The following PCDH15 variants were observed in gnomAD, a reference collection of about 807,000 sequenced individuals.
PCDH15 encodes protocadherin related 15.
A neutral mutation model predicts 178.5 loss-of-function variants in PCDH15; 129 were observed. The observed-to-expected ratio is 0.72, with a 90% CI of 0.63 to 0.84. The LOEUF (loss-of-function observed/expected upper bound fraction) is 0.84. Ranked by LOEUF, PCDH15 falls within the 40% of genes least tolerant of loss-of-function variation. The pLI is 0.00. For missense variants in PCDH15, 2,230 were observed against 2,099.9 expected (o/e 1.06, Z -1.21); for synonymous variants, 800 against 732.0 (o/e 1.09, Z -1.50).
intron 18 of PCDH15, among the ~76,000 whole-genome samples, chr10:54,030,084 G>C (rs1156757510): frequency 1.2e-4 from 18 of 151,990 alleles, no homozygotes; most frequent in Admixed American, 1.2e-3. Context: ...TCAGCCCCAA[G>C]GAAATAACTT....
intron 1 of PCDH15, among the ~76,000 whole-genome samples, chr10:55,184,035 C>T (rs1175032487): frequency 6.6e-6 from 1 of 151,848 alleles, no homozygotes; most frequent in African/African-American, 2.4e-5. Flanking sequence ...CTGATGCTTT[C>T]CAGGAGCCGT....
At chr10:53,914,294 A>G (rs2083370557) in intron 25 of PCDH15, among the ~76,000 whole-genome samples, 2 of 152,184 alleles carry the variant, frequency 1.3e-5, no homozygotes, top group Non-Finnish European at 2.9e-5. Flanking sequence ...AAAGCATGCT[A>G]CTATAAAGAC....
intron 3 of PCDH15, among the ~76,000 whole-genome samples, chr10:54,407,378 A>G (rs1011904768): frequency 6.6e-6 from 1 of 152,114 alleles, no homozygotes; most frequent in South Asian, 2.1e-4. Context: ...TCAAATATCC[A>G]TAAATATAAT....
chr10:54,034,052 T>C (rs1359998124), intron 18 of PCDH15, among the ~76,000 whole-genome samples: 1 of 151,956 alleles, frequency 6.6e-6, no homozygotes, highest in Non-Finnish European at 1.5e-5. Context: ...CTGAAAAGAA[T>C]GTGACAGCCA....
At position 54,057,830 on chromosome 10, in the gene PCDH15, T is replaced by G. The variant is rs113698431; in HGVS notation, c.2220+8927A>C. Among the ~76,000 whole-genome samples, 717 of 152,308 alleles carry G rather than the reference T, an allele frequency of 4.7e-3. 6 individuals are homozygous for G. Among genetic ancestry groups the G allele is most frequent in the Middle Eastern group, 0.02 (6 of 294 alleles). On this transcript the variant is annotated intron_variant, in intron 18 of 37. Coordinates refer to ENST00000644397, the MANE Select transcript of PCDH15 (RefSeq NM_001384140.1). ...GTTTCCTCTTGAGCACTTTGCCACT[T>G]AGAAGTTTCTTCTGCTAGATATCCT...
Position 54,198,495 on chromosome 10 carries a change from CTTTTTT to C in PCDH15, c.1099-2612_1099-2607del, listed in dbSNP as rs1186240206. ...CATCTTTCTTTAATATCTAATTATTCTTTTTTTTTTTTTTTTTTTTTTTTGAGACAA... is the reference window on the plus strand; with the variant it reads ...CATCTTTCTTTAATATCTAATTATTCTTTTTTTTTTTTTTTTTTGAGACAA... On this transcript the variant is annotated intron_variant, in intron 10 of 37. Transcript: ENST00000644397. 1.8e-3 allele frequency among the ~76,000 whole-genome samples: 57 copies of C among 31,172 alleles called. 5 individuals carry two copies. In the South Asian group the frequency reaches 0.067, roughly 37 times the overall value. The allele number at this position is 31,172 out of a possible 152,430, so 20.5% of individuals were successfully genotyped here. A position where few individuals can be genotyped will look rare whatever the true frequency, so the allele number is the denominator to read the frequency against.
At chr10:54,221,760 G>A (rs1010360332) in intron 9 of PCDH15, among the ~76,000 whole-genome samples, 12 of 151,926 alleles carry the variant, frequency 7.9e-5, no homozygotes, top group African/African-American at 1.2e-4. Flanking sequence ...CCACCACCAC[G>A]CCCAGCTAAT....
chr10:54,114,015 T>C (rs1156334087), intron 15 of PCDH15, among the ~76,000 whole-genome samples: 3 of 152,082 alleles, frequency 2.0e-5, no homozygotes, highest in African/African-American at 7.2e-5. Flanking sequence ...GAGAATGGCA[T>C]AGGAAAATCT....
intron 2 of PCDH15, among the ~76,000 whole-genome samples, chr10:55,560,661 T>C (rs1325789325): frequency 6.6e-6 from 1 of 151,924 alleles, no homozygotes; most frequent in Non-Finnish European, 1.5e-5. Context: ...AAAAGAGTAA[T>C]GTCACCATGT....
At chr10:55,265,711 C>T (rs867977759) in intron 1 of PCDH15, among the ~76,000 whole-genome samples, 4 of 152,040 alleles carry the variant, frequency 2.6e-5, no homozygotes, top group South Asian at 2.1e-4. Flanking sequence ...TGCTGAAAAC[C>T]CCACTGCCTT....
At chr10:54,421,816 G>GTATATATATATATA (rs71185272) in intron 3 of PCDH15, among the ~76,000 whole-genome samples, 1 of 107,990 alleles carries the variant, frequency 9.3e-6, no homozygotes, top group African/African-American at 4.2e-5. Context: ...TGTAGTGTGT[G>GTATATATATATATA]TATATATATA....
At chr10:54,596,703 C>G (rs754288955) in intron 2 of PCDH15, among the ~76,000 whole-genome samples, 60 of 151,996 alleles carry the variant, frequency 3.9e-4, no homozygotes, top group African/African-American at 9.2e-4. Flanking sequence ...TGCAAGAGAC[C>G]CATCTGACAT....
intron 32 of PCDH15, chr10:53,823,478 A>G: frequency 1.1e-6 from 1 of 927,388 alleles, no homozygotes; most frequent in Non-Finnish European, 1.8e-6. Flanking sequence ...AGGCCAAACA[A>G]CACTAACCTA....
intron 14 of PCDH15, among the ~76,000 whole-genome samples, chr10:54,152,896 T>C (rs2044681533): frequency 6.6e-6 from 1 of 152,178 alleles, no homozygotes; most frequent in Non-Finnish European, 1.5e-5. Flanking sequence ...ATAATAAATT[T>C]GAAATATGCC....
intron 8 of PCDH15, among the ~76,000 whole-genome samples, chr10:54,274,769 T>C (rs536515840): frequency 2.4e-4 from 37 of 151,952 alleles, no homozygotes; most frequent in Non-Finnish European, 4.1e-4. Flanking sequence ...CTAATTCCTA[T>C]ACCTTTTCAA....
intron 36 of PCDH15, 119 bp from the exon 37 acceptor site, chr10:53,810,783 C>T (rs1564514680): frequency 4.4e-6 from 4 of 899,168 alleles, no homozygotes; most frequent in Non-Finnish European, 7.3e-6. Flanking sequence ...TTACACAGCA[C>T]CTATCAGGCT....
intron 3 of PCDH15, among the ~76,000 whole-genome samples, chr10:54,433,680 A>C (rs921152061): frequency 1.3e-5 from 2 of 152,170 alleles, no homozygotes; most frequent in African/African-American, 4.8e-5. Context: ...TAAATTTAAA[A>C]ATAACTAAAA....
At chr10:55,230,005 T>A (rs1226786635) in intron 1 of PCDH15, among the ~76,000 whole-genome samples, 1 of 152,062 alleles carries the variant, frequency 6.6e-6, no homozygotes, top group East Asian at 1.9e-4. Flanking sequence ...TTTTATATAG[T>A]GTTTGGAGTA....
In PCDH15 at chr10:53,902,544, G is replaced by T. The variant is rs186711742; in HGVS notation, c.3501+699C>A. On this transcript the variant is annotated intron_variant, in intron 26 of 37. Transcript: ENST00000644397. ...GTTTAGCATCTAAACTTTTTCCTCA[G>T]TAAAATTCAATCTTTAAAATTTTTT... 4.6e-5 allele frequency among the ~76,000 whole-genome samples: 7 copies of T among 152,178 alleles called. No homozygotes were observed. The East Asian group carries it at 1.4e-3, about 29-fold the overall frequency.
Sources: gnomAD v4.1 joint callset for allele counts (sites outside exome capture counted in the v4.1 genomes callset) on GRCh38, gnomAD v4.1.1 for gene constraint, MANE v1.5 for transcripts, NCBI Gene and HGNC (gene_info 2026-07-23, HGNC 2026-07-21) for gene names.